Variants in SNTG1 observed in about 807,000 individuals in gnomAD.
SNTG1 encodes the protein gamma-1-syntrophin.
In SNTG1, 39 loss-of-function variants were observed where a neutral mutation model predicts 74.7. The ratio of observed to expected loss-of-function variants is 0.52; its 90% confidence interval spans 0.40 to 0.68. The LOEUF is 0.68. Ranked by LOEUF, SNTG1 falls within the 30% of genes least tolerant of loss-of-function variation. SNTG1 has a pLI of 0.00. For synonymous variants in SNTG1, 254 were observed against 217.1 expected (o/e 1.17, Z -1.49); for missense variants, 685 against 609.5 (o/e 1.12, Z -1.30).
intron 17 of SNTG1, among the ~76,000 whole-genome samples, chr8:50,717,925 G>A (rs2095478778): frequency 6.6e-6 from 1 of 152,142 alleles, no homozygotes; most frequent in South Asian, 2.1e-4. Flanking sequence ...ATGTCGAAGG[G>A]GCACTGTGTT....
chr8:50,535,588 C>T (rs2094301963), intron 10 of SNTG1, among the ~76,000 whole-genome samples: 1 of 152,160 alleles, frequency 6.6e-6, no homozygotes, highest in Admixed American at 6.5e-5. Flanking sequence ...TGATCTTAGC[C>T]AGTCCACACT....
intron 8 of SNTG1, among the ~76,000 whole-genome samples, chr8:50,485,139 C>A (rs1261942841): frequency 6.6e-6 from 1 of 152,098 alleles, no homozygotes; most frequent in African/African-American, 2.4e-5. Context: ...TTGGTGGTCT[C>A]TGAGATATGA....
At chr8:50,687,051 C>T (rs375745474) in intron 15 of SNTG1, among the ~76,000 whole-genome samples, 2,911 of 150,794 alleles carry the variant, frequency 0.019, 78 homozygotes, top group African/African-American at 0.063. Flanking sequence ...AGGAGAATGG[C>T]GTGAACCCGG....
At chr8:50,683,904 T>G (rs2095341300) in intron 15 of SNTG1, among the ~76,000 whole-genome samples, 1 of 152,216 alleles carries the variant, frequency 6.6e-6, no homozygotes, top group South Asian at 2.1e-4. Context: ...TTTCAAAAAG[T>G]GGTGACCACC....
chr8:50,366,942 T>C (rs1323644288), intron 2 of SNTG1, among the ~76,000 whole-genome samples: 2 of 148,444 alleles, frequency 1.3e-5, no homozygotes, highest in Non-Finnish European at 3.0e-5. Flanking sequence ...ATATATAATA[T>C]AGTATACTAT....
intron 2 of SNTG1, among the ~76,000 whole-genome samples, chr8:50,317,214 T>C (rs79235426): frequency 0.053 from 8,016 of 152,228 alleles, 239 homozygotes; most frequent in Middle Eastern, 0.12. Flanking sequence ...AGGTCTCTAC[T>C]AGTATTAGCA....
intron 2 of SNTG1, among the ~76,000 whole-genome samples, chr8:50,252,702 C>T (rs943754533): frequency 1.3e-5 from 2 of 152,022 alleles, no homozygotes; most frequent in Non-Finnish European, 2.9e-5. Context: ...TTTAAACAAA[C>T]GGATCTTGAG....
At chr8:50,054,749 G>A (rs1041071941) in intron 1 of SNTG1, among the ~76,000 whole-genome samples, 8 of 152,012 alleles carry the variant, frequency 5.3e-5, no homozygotes, top group South Asian at 2.1e-4. Flanking sequence ...ATGGCTCACC[G>A]CAACCTTGAA....
chr8:49,952,337 G>C (rs1324188161), intron 1 of SNTG1, among the ~76,000 whole-genome samples: 1 of 152,120 alleles, frequency 6.6e-6, no homozygotes, highest in Non-Finnish European at 1.5e-5. Context: ...TGAGAATATG[G>C]GGAGAGAAGA....
intron 18 of SNTG1, 61 bp from the exon 19 acceptor site, chr8:50,792,610 T>C (rs2131875984): frequency 1.4e-6 from 2 of 1,473,668 alleles, no homozygotes; most frequent in South Asian, 1.4e-5. Context: ...AATCTAGCTA[T>C]TATAAATTTT....
chr8:50,358,198 C>A (rs1383914148), intron 2 of SNTG1, among the ~76,000 whole-genome samples: 10 of 152,200 alleles, frequency 6.6e-5, no homozygotes, highest in Non-Finnish European at 7.3e-5. Context: ...GCACCTTGAA[C>A]TTTATCGGAG....
At chr8:50,115,429 C>T (rs957019410) in intron 1 of SNTG1, among the ~76,000 whole-genome samples, 1 of 151,600 alleles carries the variant, frequency 6.6e-6, no homozygotes, top group East Asian at 1.9e-4. Flanking sequence ...AGCCGAGCAT[C>T]ATGTCTGGTG....
intron 1 of SNTG1, among the ~76,000 whole-genome samples, chr8:50,027,330 C>A (rs558705271): frequency 6.6e-6 from 1 of 152,094 alleles, no homozygotes; most frequent in Admixed American, 6.6e-5. Flanking sequence ...GTTGTTGACA[C>A]CAGCCTTATC....
intron 13 of SNTG1, among the ~76,000 whole-genome samples, chr8:50,601,663 A>ATGATTTTCTTTGT (rs535849369): frequency 2.6e-4 from 40 of 152,314 alleles, no homozygotes; most frequent in African/African-American, 8.4e-4. Context: ...AAGATTAAAT[A>ATGATTTTCTTTGT]TGATTTTCTT....
At chr8:49,991,845 G>A (rs1813723224) in intron 1 of SNTG1, among the ~76,000 whole-genome samples, 3 of 152,116 alleles carry the variant, frequency 2.0e-5, no homozygotes, top group Admixed American at 1.3e-4. Context: ...ACTTCTCTTT[G>A]GTATGGTGGC....
intron 2 of SNTG1, among the ~76,000 whole-genome samples, chr8:50,173,075 A>G (rs578092137): frequency 1.3e-5 from 2 of 149,854 alleles, no homozygotes; most frequent in Non-Finnish European, 3.0e-5. Flanking sequence ...ACACTCAACA[A>G]TGGGGAGTGG....
intron 16 of SNTG1, among the ~76,000 whole-genome samples, chr8:50,705,157 A>G (rs1263466538): frequency 6.6e-6 from 1 of 152,158 alleles, no homozygotes; most frequent in Non-Finnish European, 1.5e-5. Flanking sequence ...TCCATCCTTC[A>G]AAGCCACACA....
chr8:50,498,391 C>T lies in SNTG1; in HGVS notation c.364-4387C>T, dbSNP rs534890399. 2.2e-3 allele frequency among the ~76,000 whole-genome samples: 340 copies of T among 151,858 alleles called. 3 individuals carry two copies. The highest frequency in any genetic ancestry group is 4.2e-3 in the Non-Finnish European group (287 of 67,744). The stretch of plus-strand genomic sequence containing the variant: ...AAGCATATTTTAATGCACTAATTTG[C>T]CTTGAACATAAGTTCAAGGATATAC... On this transcript the variant is annotated intron_variant, in intron 8 of 18. Coordinates refer to ENST00000642720, the MANE Select transcript of SNTG1 (RefSeq NM_018967.5).
chr8:50,410,636 A>C (rs1290571804), intron 4 of SNTG1, among the ~76,000 whole-genome samples: 1 of 152,140 alleles, frequency 6.6e-6, no homozygotes, highest in East Asian at 1.9e-4. Flanking sequence ...TTTATAACTG[A>C]AAGTTTGTAC....
Sources: gnomAD v4.1 joint callset for allele counts (sites outside exome capture counted in the v4.1 genomes callset) on GRCh38, gnomAD v4.1.1 for gene constraint, MANE v1.5 for transcripts, NCBI Gene and HGNC (gene_info 2026-07-23, HGNC 2026-07-21) for gene names.